The following PPM1A variants were observed in gnomAD, a reference collection of about 807,000 sequenced individuals.
The protein encoded by PPM1A is protein phosphatase, Mg2+/Mn2+ dependent 1A, also known as protein phosphatase 1A.
PPM1A carries 7 observed loss-of-function variants against 35.0 expected under a neutral mutation model. The ratio of observed to expected loss-of-function variants is 0.20; its 90% CI spans 0.11 to 0.38. The LOEUF is 0.38. Ranked by LOEUF, PPM1A falls within the 10% of genes least tolerant of loss-of-function variation. The probability of loss-of-function intolerance (pLI) is 1.00; values close to 1 mark genes in which losing one functional copy is unlikely to be tolerated. For missense variants in PPM1A, 239 were observed against 467.8 expected (o/e 0.51, Z 4.51); for synonymous variants, 153 against 167.3 (o/e 0.91, Z 0.66).
intron 3 of PPM1A, chr14:60,286,586 T>C (rs536503764): frequency 6.1e-5 from 60 of 985,184 alleles, no homozygotes; most frequent in Non-Finnish European, 6.7e-5. Flanking sequence ...ATGTCGTTAA[T>C]TTGCACGTTA....
intron 1 of PPM1A, among the ~76,000 whole-genome samples, chr14:60,264,818 A>G (rs1160699690): frequency 6.6e-6 from 1 of 152,142 alleles, no homozygotes; most frequent in Admixed American, 6.5e-5. Context: ...TTAAATATTC[A>G]GGCTGTCTCT....
upstream of PPM1A, chr14:60,246,117 T>C: frequency 7.1e-7 from 1 of 1,400,776 alleles, no homozygotes; most frequent in Non-Finnish European, 9.5e-7. Flanking sequence ...AGTGACTGGC[T>C]TCAGTGGAAA....
intron 1 of PPM1A, chr14:60,277,164 T>A: frequency 2.3e-6 from 1 of 430,120 alleles, no homozygotes; most frequent in Non-Finnish European, 3.4e-6. Context: ...TGGGATTTAC[T>A]ATTTATGGAT....
chr14:60,284,721 A>ATATG (rs59717851), intron 2 of PPM1A, among the ~76,000 whole-genome samples: 1 of 122,420 alleles, frequency 8.2e-6, no homozygotes, highest in African/African-American at 4.3e-5. Context: ...ATATATATAT[A>ATATG]CATATATATA....
chr14:60,291,997 G>T (rs1265561881), intron 5 of PPM1A, among the ~76,000 whole-genome samples: 1 of 152,072 alleles, frequency 6.6e-6, no homozygotes, highest in Non-Finnish European at 1.5e-5. Context: ...CAATTCTGTT[G>T]TATGATGTTT....
At chr14:60,271,783 G>GTT (rs760442840) in intron 1 of PPM1A, among the ~76,000 whole-genome samples, 99 of 147,106 alleles carry the variant, frequency 6.7e-4, no homozygotes, top group Non-Finnish European at 1.3e-3. Context: ...AGAATAAGAG[G>GTT]TTTTTTTTTT....
At position 60,292,933 on chromosome 14, in the gene PPM1A, T is replaced by C. The variant is rs1293138616; in HGVS notation, c.*451T>C. Reference sequence around the variant, plus strand: ...TGGAACAGGGAGAGCAGCAGCCATGTCAGCTACACGCTCAAATGTGCAGAT... The same window carrying C: ...TGGAACAGGGAGAGCAGCAGCCATGCCAGCTACACGCTCAAATGTGCAGAT... On this transcript the variant is annotated 3_prime_UTR_variant, in exon 6 of 6. Coordinates refer to ENST00000395076, the MANE Select transcript of PPM1A (RefSeq NM_021003.5). The surrounding 1 kb of genome is among the most constrained non-coding windows in gnomAD (Gnocchi z 4.2). 1 of 153,454 alleles carries C rather than the reference T, an allele frequency of 6.5e-6. No homozygotes were observed. Among genetic ancestry groups the C allele is most frequent in the Non-Finnish European group, 1.4e-5 (1 of 69,036 alleles). 9.5% of individuals were successfully genotyped at this position (153,454 alleles called of 1,614,324 possible).
intron 5 of PPM1A, among the ~76,000 whole-genome samples, 175 bp downstream of exon 5, chr14:60,291,629 G>A (rs925725708): frequency 1.3e-5 from 2 of 151,946 alleles, no homozygotes; most frequent in Non-Finnish European, 2.9e-5. Flanking sequence ...TCTAGTGATT[G>A]AGGACATAAT....
At chr14:60,275,987 T>A (rs1022981697) in intron 1 of PPM1A, among the ~76,000 whole-genome samples, 1 of 152,286 alleles carries the variant, frequency 6.6e-6, no homozygotes, top group Non-Finnish European at 1.5e-5. Context: ...AAATTAAGTG[T>A]AGTTTGTGTA....
chr14:60,280,399 C>T (rs1886268974), intron 1 of PPM1A, among the ~76,000 whole-genome samples: 1 of 152,228 alleles, frequency 6.6e-6, no homozygotes, highest in South Asian at 2.1e-4. Context: ...AGAATTTAAA[C>T]CCACATTGGT....
intron 1 of PPM1A, chr14:60,267,285 G>A (rs911478329): frequency 1.3e-5 from 2 of 151,904 alleles, no homozygotes; most frequent in African/African-American, 4.8e-5. Flanking sequence ...TTCCTCTTTG[G>A]CTTGAAGTAA....
chr14:60,286,306 A>G lies in PPM1A; in HGVS notation c.952+565A>G, dbSNP rs1325165241. On this transcript the variant is annotated intron_variant, in intron 3 of 5. Coordinates refer to ENST00000395076, the MANE Select transcript of PPM1A (RefSeq NM_021003.5). ...AACAAGATAGACCTCAATAAAAGAC[A>G]TAATATTTCTCCACCTGGCAGAAAA... 3.0e-6 allele frequency: 3 copies of G among 985,756 alleles called. No homozygotes were observed. In the African/African-American group the frequency reaches 5.2e-5, roughly 17 times the overall value. The allele number at this position is 985,756 out of a possible 1,614,324, so 61.1% of individuals were successfully genotyped here.
In PPM1A at chr14:60,249,881, G is replaced by T. The variant is rs930680975; in HGVS notation, c.-21+204G>T. Among the ~76,000 whole-genome samples the T allele has an allele frequency of 6.6e-6, 1 of 151,240 alleles. No homozygotes were observed. The highest frequency in any genetic ancestry group is 1.5e-5 in the Non-Finnish European group (1 of 67,814). ...CGAGGGGTTAACGCTCGGCGAGGGC[G>T]GTGGCGGGGAGGCGGGGGCGGGGTG... is the stretch of plus-strand genomic sequence containing the variant. On this transcript the variant is annotated intron_variant, in intron 1 of 5. Transcript: ENST00000395076. The surrounding 1 kb of genome is among the most constrained non-coding windows in gnomAD (Gnocchi z 4.5).
intron 1 of PPM1A, among the ~76,000 whole-genome samples, chr14:60,257,841 CAG>C (rs940861538): frequency 6.6e-6 from 1 of 152,080 alleles, no homozygotes; most frequent in African/African-American, 2.4e-5. Context: ...TTTTTCCAAA[CAG>C]AATCTCATAA....
intron 1 of PPM1A, chr14:60,250,458 G>C: frequency 6.1e-6 from 6 of 982,230 alleles, no homozygotes; most frequent in Non-Finnish European, 7.3e-6. Context: ...TTTTAGATAC[G>C]TTTTGAAAAT....
chr14:60,246,165 A>T, upstream of PPM1A: 1 of 991,798 alleles, frequency 1.0e-6, no homozygotes, highest in Non-Finnish European at 1.5e-6. Context: ...TAGCCTCCTG[A>T]GGGGGTCATT....
intron 1 of PPM1A, among the ~76,000 whole-genome samples, chr14:60,270,120 T>C (rs1020790937): frequency 2.6e-5 from 4 of 152,238 alleles, no homozygotes; most frequent in Non-Finnish European, 5.9e-5. Context: ...TTTGTTTCTT[T>C]ATGCTTACTT....
Position 60,273,412 on chromosome 14 carries a change from T to C in PPM1A, c.-20-9272T>C, listed in dbSNP as rs1289906183. ...GGTACTGTAAGAAAACCCTTGTGGT[T>C]GGAGTAGAGAATGTAGGAGAAGGGA... On this transcript the variant is annotated intron_variant, in intron 1 of 5. Transcript: ENST00000395076. This position sits in a 1 kb window ranked among gnomAD's most constrained non-coding sequence, Gnocchi z 4.3. Among the ~76,000 whole-genome samples, 1 of 152,110 alleles carries C rather than the reference T, an allele frequency of 6.6e-6. No individual in the cohort carries two copies. The highest frequency in any genetic ancestry group is 1.5e-5 in the Non-Finnish European group (1 of 68,032).
intron 1 of PPM1A, among the ~76,000 whole-genome samples, chr14:60,256,385 A>G (rs949905561): frequency 6.6e-6 from 1 of 152,222 alleles, no homozygotes; most frequent in African/African-American, 2.4e-5. Context: ...GTGAGCCAAG[A>G]TTGCATCACT....
Sources: allele counts gnomAD v4.1 joint callset (sites outside exome capture counted in the v4.1 genomes callset), GRCh38; gene constraint gnomAD v4.1.1; non-coding constraint Gnocchi (gnomAD v3.1); transcripts MANE v1.5; gene names NCBI Gene and HGNC (gene_info 2026-07-23, HGNC 2026-07-21).